The following CHRM3 variants were observed in gnomAD, a reference collection of about 807,000 sequenced individuals.
CHRM3 encodes cholinergic receptor muscarinic 3, also known as muscarinic acetylcholine receptor M3.
Under a neutral mutation model 41.8 loss-of-function variants are expected in CHRM3, and 11 were observed. That is an observed-to-expected ratio of 0.26 (90% confidence interval 0.17 to 0.44). The LOEUF (loss-of-function observed/expected upper bound fraction) is 0.44. Among genes scored for constraint, CHRM3 ranks in the 20% least tolerant of loss-of-function variants. The probability of loss-of-function intolerance (pLI) is 1.00; values close to 1 mark genes in which losing one functional copy is unlikely to be tolerated. For synonymous variants in CHRM3, 297 were observed against 301.4 expected (o/e 0.99, Z 0.15); for missense variants, 571 against 745.4 (o/e 0.77, Z 2.72).
intron 5 of CHRM3, among the ~76,000 whole-genome samples, chr1:239,824,524 A>G (rs1672306003): frequency 6.6e-6 from 1 of 152,218 alleles, no homozygotes; most frequent in South Asian, 2.1e-4. Flanking sequence ...TAATGAATAT[A>G]TTGATTCTTG....
chr1:239,655,046 T>C (rs1024012913), intron 4 of CHRM3, among the ~76,000 whole-genome samples: 3 of 152,200 alleles, frequency 2.0e-5, no homozygotes, highest in African/African-American at 7.2e-5. Flanking sequence ...TTTATTAAAG[T>C]GGTGAGAAGT....
intron 1 of CHRM3, among the ~76,000 whole-genome samples, chr1:239,430,875 C>T (rs889968420): frequency 6.6e-6 from 1 of 151,724 alleles, no homozygotes; most frequent in Non-Finnish European, 1.5e-5. Flanking sequence ...GTTTTCAAAG[C>T]ATGAAAACAG....
chr1:239,472,717 G>A (rs1475434336), intron 1 of CHRM3, among the ~76,000 whole-genome samples: 2 of 151,280 alleles, frequency 1.3e-5, no homozygotes, highest in East Asian at 3.9e-4. Context: ...ACCCACTAGG[G>A]CCTGTTGGGG....
chr1:239,827,155 T>C (rs988571056), intron 5 of CHRM3, 97 bp from the exon 6 acceptor site: 1 of 152,170 alleles, frequency 6.6e-6, no homozygotes, highest in African/African-American at 2.4e-5. Flanking sequence ...AACAGAGACA[T>C]TGGATCATTC....
intron 4 of CHRM3, among the ~76,000 whole-genome samples, chr1:239,673,771 A>G (rs1004018425): frequency 3.3e-5 from 5 of 152,052 alleles, no homozygotes; most frequent in East Asian, 1.9e-4. Flanking sequence ...GTTGCTACCT[A>G]TTTATCACTT....
chr1:239,826,087 T>C (rs1672437878), intron 5 of CHRM3, among the ~76,000 whole-genome samples: 1 of 152,016 alleles, frequency 6.6e-6, no homozygotes, highest in African/African-American at 2.4e-5. Flanking sequence ...GGATAAAGAG[T>C]TTCAGTTTCG....
At chr1:239,862,144 T>C (rs1422009007) in intron 6 of CHRM3, among the ~76,000 whole-genome samples, 5 of 152,230 alleles carry the variant, frequency 3.3e-5, no homozygotes, top group Non-Finnish European at 7.3e-5. Flanking sequence ...TTCTGAAGTC[T>C]ATGTAATTCC....
At chr1:239,768,938 T>C (rs1374931407) in intron 5 of CHRM3, among the ~76,000 whole-genome samples, 1 of 152,142 alleles carries the variant, frequency 6.6e-6, no homozygotes, top group Non-Finnish European at 1.5e-5. Context: ...CTAATTTTTG[T>C]ATTTTTAGTA....
At chr1:239,447,717 G>A (rs1558231409) in intron 1 of CHRM3, among the ~76,000 whole-genome samples, 1 of 152,154 alleles carries the variant, frequency 6.6e-6, no homozygotes, top group East Asian at 1.9e-4. Flanking sequence ...CAGAAGTTGC[G>A]GTGAGCTGAG....
intron 4 of CHRM3, among the ~76,000 whole-genome samples, chr1:239,666,114 A>G (rs955611717): frequency 6.6e-6 from 1 of 152,054 alleles, no homozygotes; most frequent in South Asian, 2.1e-4. Flanking sequence ...ACAATGGTTG[A>G]ACTAATTTAC....
intron 5 of CHRM3, among the ~76,000 whole-genome samples, chr1:239,737,824 A>T (rs570854691): frequency 4.3e-4 from 65 of 152,288 alleles, no homozygotes; most frequent in Non-Finnish European, 8.1e-4. Flanking sequence ...ATCTGTTAAG[A>T]TATCTGATTA....
In CHRM3 at chr1:239,864,957, ACAT is replaced by A. The variant is rs370160489; in HGVS notation, c.-20+37581_-20+37583del. Among the ~76,000 whole-genome samples the A allele has an allele frequency of 2.8e-4, 43 of 152,286 alleles. No homozygotes were observed. The East Asian group carries it at 5.4e-3, about 19-fold the overall frequency. ...GTCTTCTAGGGTGGAGAAGGTGACA[ACAT>A]CTATCACACTTATAAATGCACACAC... On this transcript the variant is annotated intron_variant, in intron 6 of 6. Coordinates refer to ENST00000676153, the MANE Select transcript of CHRM3 (RefSeq NM_001375978.1).
intron 6 of CHRM3, among the ~76,000 whole-genome samples, chr1:239,864,534 A>ACACG (rs1675918198): frequency 7.6e-6 from 1 of 132,244 alleles, no homozygotes; most frequent in Admixed American, 7.2e-5. Context: ...ACACACACAC[A>ACACG]CACACACACA....
At chr1:239,864,488 C>G (rs1675910477) in intron 6 of CHRM3, among the ~76,000 whole-genome samples, 1 of 151,424 alleles carries the variant, frequency 6.6e-6, no homozygotes, top group South Asian at 2.1e-4. Context: ...GCCTGGGCAA[C>G]AAGAGCGAAA....
chr1:239,554,985 C>G (rs1460847854), intron 3 of CHRM3, among the ~76,000 whole-genome samples: 2 of 152,132 alleles, frequency 1.3e-5, no homozygotes, highest in Non-Finnish European at 2.9e-5. Context: ...ACCTTGGCCT[C>G]CCAAGGTGCT....
chr1:239,663,062 C>T (rs1673424059), intron 4 of CHRM3, among the ~76,000 whole-genome samples: 1 of 151,434 alleles, frequency 6.6e-6, no homozygotes, highest in Non-Finnish European at 1.5e-5. Flanking sequence ...AAATCTCTCA[C>T]ATGTATTGCT....
At chr1:239,689,997 A>G (rs540639166) in intron 5 of CHRM3, among the ~76,000 whole-genome samples, 1 of 152,116 alleles carries the variant, frequency 6.6e-6, no homozygotes, top group African/African-American at 2.4e-5. Flanking sequence ...AACACGCTTA[A>G]AGGATCACTT....
At chr1:239,391,870 G>T (rs1659064360) in intron 1 of CHRM3, among the ~76,000 whole-genome samples, 2 of 152,176 alleles carry the variant, frequency 1.3e-5, no homozygotes, top group Admixed American at 1.3e-4. Flanking sequence ...GCCTTTCCAA[G>T]CCTGCTCTGC....
chr1:239,721,173 T>G (rs140083902), intron 5 of CHRM3, among the ~76,000 whole-genome samples: 1 of 152,040 alleles, frequency 6.6e-6, no homozygotes, highest in African/African-American at 2.4e-5. Flanking sequence ...GGTTTTAGTT[T>G]CTAAAAGTGA....
Sources: allele counts gnomAD v4.1 joint callset (sites outside exome capture counted in the v4.1 genomes callset), GRCh38; gene constraint gnomAD v4.1.1; transcripts MANE v1.5; gene names NCBI Gene and HGNC (gene_info 2026-07-23, HGNC 2026-07-21).